NSG2: variants seen among roughly 807,000 people sequenced by gnomAD.
NSG2 encodes the protein neuronal vesicle trafficking associated 2.
A neutral mutation model predicts 16.9 loss-of-function variants in NSG2; 4 were observed. That is an observed-to-expected ratio of 0.24 (90% CI 0.12 to 0.54). NSG2 has a LOEUF of 0.54. Ranked by LOEUF, NSG2 falls within the 20% of genes least tolerant of loss-of-function variation. The probability of loss-of-function intolerance (pLI) is 0.95; values close to 1 mark genes in which losing one functional copy is unlikely to be tolerated. For missense variants in NSG2, 179 were observed against 221.1 expected, an observed-to-expected ratio of 0.81 and a Z score of 1.21; for synonymous variants, 98 against 88.7, an observed-to-expected ratio of 1.11 and a Z score of -0.59.
chr5:174,052,970 A>C (rs747488532), intron 2 of NSG2, among the ~76,000 whole-genome samples: 2 of 152,150 alleles, frequency 1.3e-5, no homozygotes, highest in Non-Finnish European at 2.9e-5. Context: ...ATCTTGGAGG[A>C]GGTCACTTAC....
chr5:174,049,167 G>A (rs1581214982), intron 2 of NSG2, among the ~76,000 whole-genome samples: 3 of 151,986 alleles, frequency 2.0e-5, no homozygotes, highest in East Asian at 1.9e-4. Flanking sequence ...GTGAAACCGC[G>A]TCTCTACTAA....
At chr5:174,061,376 G>C (rs1377480024) in intron 2 of NSG2, among the ~76,000 whole-genome samples, 3 of 152,068 alleles carry the variant, frequency 2.0e-5, no homozygotes, top group Non-Finnish European at 2.9e-5. Flanking sequence ...CTTTCATTTG[G>C]TCCATCCCAG....
At chr5:174,103,922 G>A (rs1760938284) in intron 3 of NSG2, among the ~76,000 whole-genome samples, 1 of 152,150 alleles carries the variant, frequency 6.6e-6, no homozygotes, top group Non-Finnish European at 1.5e-5. Context: ...CTGAGATGGT[G>A]CCATTGCACT....
At chr5:174,078,866 G>A (rs201185218) in intron 3 of NSG2, among the ~76,000 whole-genome samples, 3 of 152,094 alleles carry the variant, frequency 2.0e-5, no homozygotes, top group East Asian at 1.9e-4. Flanking sequence ...TCAGAACTGT[G>A]AGAAATAAAT....
intron 3 of NSG2, among the ~76,000 whole-genome samples, chr5:174,102,859 G>A (rs1310338976): frequency 2.0e-5 from 3 of 150,578 alleles, no homozygotes; most frequent in East Asian, 3.9e-4. Flanking sequence ...GCTCACTGCA[G>A]CCTCCTCCTC....
At chr5:174,071,635 C>T (rs1760243894) in intron 3 of NSG2, among the ~76,000 whole-genome samples, 1 of 152,204 alleles carries the variant, frequency 6.6e-6, no homozygotes, top group South Asian at 2.1e-4. Flanking sequence ...CGATCCATTC[C>T]ACTCTTTGGG....
At chr5:174,088,261 A>T (rs1226845123) in intron 3 of NSG2, among the ~76,000 whole-genome samples, 1 of 152,190 alleles carries the variant, frequency 6.6e-6, no homozygotes, top group Non-Finnish European at 1.5e-5. Flanking sequence ...AGATATCACA[A>T]AAGTTGTTCA....
At chr5:174,046,080 T>G (rs1399894520) in intron 1 of NSG2, 2 of 150,208 alleles carry the variant, frequency 1.3e-5, no homozygotes, top group Non-Finnish European at 2.9e-5. Context: ...GGCTGCTAAC[T>G]TTCCATGGAA....
chr5:174,048,094 CAGAG>C (rs1759830151), intron 2 of NSG2, among the ~76,000 whole-genome samples: 1 of 152,148 alleles, frequency 6.6e-6, no homozygotes, highest in African/African-American at 2.4e-5. Flanking sequence ...GGGTGGCAGA[CAGAG>C]AGAATTCTTA....
intron 2 of NSG2, among the ~76,000 whole-genome samples, chr5:174,062,105 A>G (rs2113431903): frequency 6.6e-6 from 1 of 152,182 alleles, no homozygotes; most frequent in East Asian, 1.9e-4. Flanking sequence ...TATTGGATTA[A>G]TGTTCTGAAT....
At chr5:174,052,344 A>AT (rs1261588717) in intron 2 of NSG2, among the ~76,000 whole-genome samples, 1 of 152,038 alleles carries the variant, frequency 6.6e-6, no homozygotes, top group Non-Finnish European at 1.5e-5. Context: ...TACCAGGTTG[A>AT]TTGGGAGGAG....
intron 2 of NSG2, among the ~76,000 whole-genome samples, chr5:174,051,789 C>G (rs1219818544): frequency 6.6e-6 from 1 of 152,124 alleles, no homozygotes; most frequent in Non-Finnish European, 1.5e-5. Context: ...AAGGAAAGAA[C>G]AAGATGTTGT....
At chr5:174,101,614 C>G (rs186087591) in intron 3 of NSG2, among the ~76,000 whole-genome samples, 22 of 152,360 alleles carry the variant, frequency 1.4e-4, no homozygotes, top group African/African-American at 5.3e-4. Context: ...TCTGCATCTG[C>G]AGCTGGTCCT....
intron 3 of NSG2, among the ~76,000 whole-genome samples, chr5:174,080,333 AC>A (rs1436777530): frequency 6.7e-6 from 1 of 149,188 alleles, no homozygotes; most frequent in Non-Finnish European, 1.5e-5. Context: ...GTTATATATA[AC>A]CCTATATATA....
At chr5:174,065,590 A>T (rs1393014644) in intron 3 of NSG2, among the ~76,000 whole-genome samples, 1 of 152,206 alleles carries the variant, frequency 6.6e-6, no homozygotes, top group African/African-American at 2.4e-5. Flanking sequence ...AAGGGGATGG[A>T]GGGGCACTAT....
chr5:174,073,862 G>C (rs1466802877), intron 3 of NSG2, among the ~76,000 whole-genome samples: 1 of 152,192 alleles, frequency 6.6e-6, no homozygotes, highest in Admixed American at 6.5e-5. Flanking sequence ...CAAGTCACTT[G>C]TTAATAAACA....
intron 3 of NSG2, among the ~76,000 whole-genome samples, chr5:174,095,302 G>T (rs145452094): frequency 6.6e-6 from 1 of 152,128 alleles, no homozygotes; most frequent in South Asian, 2.1e-4. Context: ...TAAACTGTGC[G>T]GCTGAATGCA....
chr5:174,079,632 T>C (rs947926028), intron 3 of NSG2, among the ~76,000 whole-genome samples: 1 of 152,198 alleles, frequency 6.6e-6, no homozygotes, highest in African/African-American at 2.4e-5. Context: ...GGTTCTTTTC[T>C]GGAAAAATTC....
chr5:174,084,912 G>T (rs186800848), intron 3 of NSG2, among the ~76,000 whole-genome samples: 29 of 152,342 alleles, frequency 1.9e-4, no homozygotes, highest in Admixed American at 5.2e-4. Flanking sequence ...GTGTCTACTG[G>T]ATAATTTTCT....
Sources: allele counts gnomAD v4.1 joint callset (sites outside exome capture counted in the v4.1 genomes callset), GRCh38; gene constraint gnomAD v4.1.1; transcripts MANE v1.5; gene names NCBI Gene and HGNC (gene_info 2026-07-23, HGNC 2026-07-21).